MICALL2: variants seen among roughly 807,000 people sequenced by gnomAD.
The protein encoded by MICALL2 is MICAL like 2.
In MICALL2, 111 loss-of-function variants were observed where a neutral mutation model predicts 91.1. The observed-to-expected ratio is 1.22, with a 90% CI of 1.04 to 1.43. The LOEUF (loss-of-function observed/expected upper bound fraction) is 1.43. Ranked by LOEUF, MICALL2 falls within the 40% of genes most tolerant of loss-of-function variation. MICALL2 has a pLI of 0.00. For synonymous variants in MICALL2, 694 were observed against 525.3 expected (o/e 1.32, Z -4.39); for missense variants, 1,556 against 1,236.0 (o/e 1.26, Z -3.88).
intron 1 of MICALL2, among the ~76,000 whole-genome samples, chr7:1,450,890 T>G (rs1780801855): frequency 6.6e-6 from 1 of 152,030 alleles, no homozygotes; most frequent in South Asian, 2.1e-4. Flanking sequence ...TCTCAGCGCT[T>G]CACAAATACC....
chr7:1,438,152 G>A lies in MICALL2; in HGVS notation c.2256C>T (p.Asp752=), dbSNP rs769956803. ...RQLQDIERRL[D]ALELRGVELE... is the part of the protein sequence containing the mutation. ...GCTCCACGCCGCGGAGCTCCAGGGC[G>A]TCCAGCCGCCTCTCGATGTCCTGCA... Residue 752 remains aspartate (D), a synonymous_variant, in exon 12 of 17, where the codon GAC becomes GAT. Transcript: ENST00000297508. 37 of 1,561,644 alleles carry A rather than the reference G, an allele frequency of 2.4e-5. 1 individual carries two copies. Among genetic ancestry groups the A allele is most frequent in the East Asian group, 1.4e-4 (6 of 42,066 alleles).
chr7:1,452,932 C>A lies in MICALL2; in HGVS notation c.144-2644G>T, dbSNP rs566091416. ...CGGCCCTCCAGCCTCCAGACCATGGCTCCACTCTCCCGGCACAGAACAGCT... is the reference window on the plus strand; with the variant it reads ...CGGCCCTCCAGCCTCCAGACCATGGATCCACTCTCCCGGCACAGAACAGCT... On this transcript the variant is annotated intron_variant, in intron 1 of 16. Transcript: ENST00000297508. The surrounding 1 kb of genome is among the most constrained non-coding windows in gnomAD (Gnocchi z 6.2). 1.3e-5 allele frequency among the ~76,000 whole-genome samples: 2 copies of A among 152,214 alleles called. No individual in the cohort carries two copies. The highest frequency in any genetic ancestry group is 2.9e-5 in the Non-Finnish European group (2 of 68,000).
rs1584242897 is a variant in MICALL2 at position 1,459,393 on chromosome 7, G to A, written c.-67C>T. On this transcript the variant is annotated 5_prime_UTR_variant, in exon 1 of 17. Transcript: ENST00000297508. The stretch of plus-strand genomic sequence containing the variant: ...ACCTTCCCGCGGCTGTGCCGCGACC[G>A]CCCGGCCGGCGGGACAGACGCTGGG... 5 of 1,347,902 alleles carry A rather than the reference G, an allele frequency of 3.7e-6. No homozygotes were observed. In the East Asian group the frequency reaches 1.2e-4, roughly 33 times the overall value. 83.5% of individuals were successfully genotyped at this position (1,347,902 alleles called of 1,614,324 possible).
chr7:1,442,499 G>T lies in MICALL2; in HGVS notation c.1419-15C>A. On this transcript the variant is annotated splice_polypyrimidine_tract_variant and intron_variant, in intron 6 of 16. Transcript: ENST00000297508. ...CTGGGGAGGGCCTATAAGTAAAAGC[G>T]CAGGCATCAGGCACAGCTGGATCCA... The T allele has an allele frequency of 6.6e-7, 1 of 1,519,502 alleles. No homozygotes were observed. Among genetic ancestry groups the T allele is most frequent in the Non-Finnish European group, 8.8e-7 (1 of 1,134,062 alleles). The allele number at this position is 1,519,502 out of a possible 1,614,324, so 94.1% of individuals were successfully genotyped here.
Position 1,439,074 on chromosome 7 carries a change from C to T in MICALL2, c.1967-79G>A, listed in dbSNP as rs1780132907. 7 of 1,173,394 alleles carry T rather than the reference C, an allele frequency of 6.0e-6. No individual in the cohort carries two copies. In the South Asian group the frequency reaches 8.8e-5, roughly 15 times the overall value. The allele number at this position is 1,173,394 out of a possible 1,614,324, so 72.7% of individuals were successfully genotyped here. On this transcript the variant is annotated intron_variant, in intron 9 of 16. Coordinates refer to ENST00000297508, the MANE Select transcript of MICALL2 (RefSeq NM_182924.4). Reference sequence around the variant, plus strand: ...CTGGGGTCTGTCCCAGCACAGCCAACAGCTCGCTGGGTAGCCCGGCCATCC... The same window carrying T: ...CTGGGGTCTGTCCCAGCACAGCCAATAGCTCGCTGGGTAGCCCGGCCATCC...
chr7:1,441,204 G>C (rs1368519859), intron 7 of MICALL2: 1 of 162,312 alleles, frequency 6.2e-6, no homozygotes, highest in African/African-American at 2.4e-5. Context: ...AGGTGGCAGG[G>C]ACAGCCAGTT....
intron 13 of MICALL2, 81 bp downstream of exon 13, chr7:1,437,809 G>A (rs894084144): frequency 6.6e-5 from 91 of 1,371,138 alleles, no homozygotes; most frequent in Non-Finnish European, 2.0e-5. Flanking sequence ...GCCTGACTCT[G>A]CGCTCCTGTC....
chr7:1,448,748 G>A lies in MICALL2; in HGVS notation c.206C>T (p.Ala69Val), dbSNP rs1780705657. The A allele has an allele frequency of 1.2e-6, 2 of 1,612,684 alleles. No homozygotes were observed. The highest frequency in any genetic ancestry group is 1.7e-6 in the Non-Finnish European group (2 of 1,179,914). The change falls in exon 3 of 17, where the codon GCC (alanine) becomes GTC (valine). Residue 69 changes from alanine to valine, a missense_variant. Ala to Val is a moderately conservative substitution (Grantham distance 64, BLOSUM62 0). Coordinates refer to ENST00000297508, the MANE Select transcript of MICALL2 (RefSeq NM_182924.4). ...GGCTGGGATGCCCAAGTGCTCCTCG[G>A]CCACGCGGAAGGCCTGCGAAAGGTG... is the stretch of plus-strand genomic sequence containing the variant. ...YENNKLAFRV[A>V]EEHLGIPALL...
chr7:1,438,683 G>GGCGGGCCTGGGGC, intron 10 of MICALL2, 157 bp downstream of exon 10: 1 of 1,460,538 alleles, frequency 6.8e-7, no homozygotes, highest in Non-Finnish European at 9.0e-7. Flanking sequence ...TATTCATGAG[G>GGCGGGCCTGGGGC]GCGGGCCTGG....
rs748306136 is a variant in MICALL2, at chr7:1,444,717, C to T, written c.1353G>A (p.Gln451=). Residue 451 remains glutamine (Q), a synonymous_variant, in exon 6 of 17, where the codon CAG becomes CAA. Coordinates refer to ENST00000297508, the MANE Select transcript of MICALL2 (RefSeq NM_182924.4). The stretch of plus-strand genomic sequence containing the variant: ...GGGCCTGCTTGAGGAAGTTCCGCGC[C>T]TGCTCCTTGCTGCTGTCCTTGGATA... ...LVLSKDSSKE[Q]ARNFLKQALS... The T allele has an allele frequency of 6.2e-7, 1 of 1,612,442 alleles. No homozygotes were observed. The highest frequency in any genetic ancestry group is 8.5e-7 in the Non-Finnish European group (1 of 1,179,860).
intron 5 of MICALL2, among the ~76,000 whole-genome samples, chr7:1,445,864 G>T (rs371029968): frequency 6.6e-6 from 1 of 152,012 alleles, no homozygotes; most frequent in Non-Finnish European, 1.5e-5. Flanking sequence ...GAAGTAGGGG[G>T]AACAGCGCTT....
At chr7:1,450,802 G>A (rs1780798111) in intron 1 of MICALL2, among the ~76,000 whole-genome samples, 1 of 151,620 alleles carries the variant, frequency 6.6e-6, no homozygotes, top group African/African-American at 2.4e-5. Context: ...ACAGGCCCCG[G>A]ATCCACCTCG....
intron 14 of MICALL2, 98 bp from the exon 15 acceptor site, chr7:1,436,954 G>T: frequency 1.2e-6 from 1 of 860,922 alleles, no homozygotes; most frequent in Non-Finnish European, 1.7e-6. Context: ...CTCCTCTTTT[G>T]GAGGAAGAAG....
chr7:1,443,087 C>A (rs973774406), intron 6 of MICALL2, among the ~76,000 whole-genome samples: 1 of 131,304 alleles, frequency 7.6e-6, no homozygotes. Flanking sequence ...CATGTCCCCA[C>A]CCCCCTCGAC....
At position 1,445,154 on chromosome 7, in the gene MICALL2, G is replaced by A. The variant is rs1346280752; in HGVS notation, c.916C>T (p.Pro306Ser). 1.3e-6 allele frequency: 2 copies of A among 1,575,766 alleles called. No homozygotes were observed. Among genetic ancestry groups the A allele is most frequent in the Admixed American group, 1.8e-5 (1 of 54,418 alleles). The change falls in exon 6 of 17, where the codon CCT (proline) becomes TCT (serine). Residue 306 changes from proline (P) to serine (S), a missense_variant. Coordinates refer to ENST00000297508, the MANE Select transcript of MICALL2 (RefSeq NM_182924.4). The stretch of plus-strand genomic sequence containing the variant: ...ACGGACGTGGCGCTGGTGGCTGCAG[G>A]GTTGGGTGCAGCTGGAACGGAAGCC... ...ARASVPAAPN[P>S]AATSATSVHV...
intron 9 of MICALL2, chr7:1,439,717 T>C: frequency 4.6e-6 from 2 of 439,288 alleles, no homozygotes; most frequent in South Asian, 6.8e-5. Context: ...GATACAGGCA[T>C]CACATACATG....
chr7:1,439,338 G>A (rs1004872771), intron 9 of MICALL2: 4 of 287,408 alleles, frequency 1.4e-5, no homozygotes, highest in African/African-American at 6.6e-5. Flanking sequence ...GTGCACACGT[G>A]GACACACATG....
At chr7:1,440,113 C>G (rs368637404) in intron 8 of MICALL2, 28 bp from the exon 9 acceptor site, 4 of 1,567,236 alleles carry the variant, frequency 2.6e-6, no homozygotes, top group Non-Finnish European at 3.4e-6. Context: ...GGTCGGAACC[C>G]GAACCACCAG....
rs779230359 is a variant in MICALL2, at chr7:1,436,775, T to C, written c.2558A>G (p.Asp853Gly). Reference protein sequence around the residue: ...QYVSTVNDRSDIVDSLDEDRL... With the variant: ...QYVSTVNDRSGIVDSLDEDRL... Reference sequence around the variant, plus strand: ...GTCCTCGTCCAGCGAGTCCACGATGTCACTGCGGTCGTTCACGGTGCTCAC... The same window carrying C: ...GTCCTCGTCCAGCGAGTCCACGATGCCACTGCGGTCGTTCACGGTGCTCAC... Residue 853 changes from aspartate to glycine, a missense_variant, in exon 15 of 17, where the codon GAC (aspartate) becomes GGC (glycine). Physicochemically the swap from Asp to Gly is moderately conservative, Grantham distance 94. Coordinates refer to ENST00000297508, the MANE Select transcript of MICALL2 (RefSeq NM_182924.4). 1 of 1,608,186 alleles carries C rather than the reference T, an allele frequency of 6.2e-7. No homozygotes were observed. Among genetic ancestry groups the C allele is most frequent in the South Asian group, 1.1e-5 (1 of 90,726 alleles).
Sources: allele counts gnomAD v4.1 joint callset (sites outside exome capture counted in the v4.1 genomes callset), GRCh38; gene constraint gnomAD v4.1.1; non-coding constraint Gnocchi (gnomAD v3.1); transcripts MANE v1.5; gene names NCBI Gene and HGNC (gene_info 2026-07-23, HGNC 2026-07-21).